Variants in SHISA6 observed in about 807,000 individuals in gnomAD.
SHISA6 encodes the protein shisa family member 6.
In SHISA6, 22 loss-of-function variants were observed where a neutral mutation model predicts 47.9. The ratio of observed to expected loss-of-function variants is 0.46; its 90% CI spans 0.33 to 0.66. The LOEUF is 0.66. Ranked by LOEUF, SHISA6 falls within the 30% of genes least tolerant of loss-of-function variation. The pLI is 0.02. For synonymous variants in SHISA6, 388 were observed against 337.8 expected, an observed-to-expected ratio of 1.15 and a Z score of -1.63; for missense variants, 680 against 764.6, an observed-to-expected ratio of 0.89 and a Z score of 1.30.
intron 2 of SHISA6, among the ~76,000 whole-genome samples, chr17:11,374,538 A>G (rs1004875332): frequency 2.0e-5 from 3 of 151,778 alleles, no homozygotes; most frequent in Non-Finnish European, 2.9e-5. Flanking sequence ...ATTTGCATGT[A>G]TGTTTATGTT....
chr17:11,403,391 T>G (rs1913844191), intron 3 of SHISA6, among the ~76,000 whole-genome samples: 1 of 152,234 alleles, frequency 6.6e-6, no homozygotes, highest in South Asian at 2.1e-4. Flanking sequence ...TCTGATTGCT[T>G]TGTTGATGTA....
At chr17:11,555,482 G>C (rs1365372365) in intron 4 of SHISA6, among the ~76,000 whole-genome samples, 2 of 151,744 alleles carry the variant, frequency 1.3e-5, no homozygotes, top group Non-Finnish European at 2.9e-5. Flanking sequence ...GAGAGAATTC[G>C]CTCCTCAGAC....
chr17:11,415,997 T>G (rs1350267975), intron 3 of SHISA6, among the ~76,000 whole-genome samples: 1 of 152,184 alleles, frequency 6.6e-6, no homozygotes. Flanking sequence ...CTTCGTCTCC[T>G]TATATCCTCA....
intron 5 of SHISA6, among the ~76,000 whole-genome samples, chr17:11,556,094 A>G (rs2071976845): frequency 6.6e-6 from 1 of 152,220 alleles, no homozygotes; most frequent in Non-Finnish European, 1.5e-5. Flanking sequence ...ATACATAGAA[A>G]GAAGACCATG....
chr17:11,263,176 C>A (rs1276520772), intron 1 of SHISA6, among the ~76,000 whole-genome samples, 190 bp from the exon 2 acceptor site: 1 of 152,170 alleles, frequency 6.6e-6, no homozygotes, highest in East Asian at 1.9e-4. Flanking sequence ...TACCTCCAGG[C>A]ATGGTAACCT....
chr17:11,334,799 T>C (rs1036349582), intron 2 of SHISA6, among the ~76,000 whole-genome samples: 2 of 152,172 alleles, frequency 1.3e-5, no homozygotes, highest in African/African-American at 4.8e-5. Flanking sequence ...GCCTGTAGGA[T>C]CTTTAAACTG....
intron 3 of SHISA6, among the ~76,000 whole-genome samples, chr17:11,453,328 C>T (rs2969241): frequency 0.57 from 86,806 of 151,960 alleles, 26,635 homozygotes; most frequent in African/African-American, 0.81. Flanking sequence ...ACAGCAGCTT[C>T]GGGAAACCTG....
intron 2 of SHISA6, chr17:11,288,563 A>C (rs1469875038): frequency 2.0e-5 from 3 of 152,170 alleles, no homozygotes; most frequent in Non-Finnish European, 4.4e-5. Flanking sequence ...CTGTTTAAAA[A>C]CAAAACTAAA....
chr17:11,354,991 A>T (rs534637595), intron 2 of SHISA6, among the ~76,000 whole-genome samples: 4 of 152,302 alleles, frequency 2.6e-5, no homozygotes, highest in African/African-American at 9.6e-5. Context: ...CTCTACTCCA[A>T]CACCTTAAAT....
intron 2 of SHISA6, among the ~76,000 whole-genome samples, chr17:11,309,257 G>A (rs112946995): frequency 1.3e-5 from 2 of 152,180 alleles, no homozygotes; most frequent in African/African-American, 2.4e-5. Flanking sequence ...AAGCCAACAC[G>A]CCCCACTCCA....
At position 11,422,881 on chromosome 17, in the gene SHISA6, G is replaced by T. The variant is rs375437977; in HGVS notation, c.895+43372G>T. Among the ~76,000 whole-genome samples, 7 of 152,094 alleles carry T rather than the reference G, an allele frequency of 4.6e-5. 1 individual carries two copies. The highest frequency in any genetic ancestry group is 3.9e-4 in the East Asian group (2 of 5,170). ...GGAATCCAGGAAGGAGCATGAGCTG[G>T]GTTAGATACACCAAGATAGCTTGAA... is the stretch of plus-strand genomic sequence containing the variant. On this transcript the variant is annotated intron_variant, in intron 3 of 5. Transcript: ENST00000441885.
chr17:11,489,446 T>G (rs1399081561), intron 3 of SHISA6, among the ~76,000 whole-genome samples: 1 of 152,220 alleles, frequency 6.6e-6, no homozygotes, highest in East Asian at 1.9e-4. Flanking sequence ...GTAATTATAT[T>G]AGAGTGCTGA....
intron 3 of SHISA6, among the ~76,000 whole-genome samples, chr17:11,395,954 C>T (rs1293988916): frequency 1.3e-5 from 2 of 152,160 alleles, no homozygotes; most frequent in Non-Finnish European, 2.9e-5. Flanking sequence ...CCCTCCAGAG[C>T]GTTTCCATTA....
At chr17:11,320,669 A>AGAGAGAG (rs1555528248) in intron 2 of SHISA6, among the ~76,000 whole-genome samples, 3 of 48,938 alleles carry the variant, frequency 6.1e-5, no homozygotes, top group Admixed American at 3.9e-4. Context: ...CAAAAAAAAA[A>AGAGAGAG]AGAGAGAGAG....
chr17:11,558,691 C>G lies in SHISA6; in HGVS notation c.*387C>G. On this transcript the variant is annotated 3_prime_UTR_variant, in exon 6 of 6. Coordinates refer to ENST00000441885, the MANE Select transcript of SHISA6 (RefSeq NM_207386.4). Reference sequence around the variant, plus strand: ...ACCCTTGCTTGACTGTGGTCTGAAGCTGCCTGGGTTTGAAGGGGCCAGCGG... The same window carrying G: ...ACCCTTGCTTGACTGTGGTCTGAAGGTGCCTGGGTTTGAAGGGGCCAGCGG... 3.7e-6 allele frequency: 1 copy of G among 270,652 alleles called. No homozygotes were observed. The allele number at this position is 270,652 out of a possible 1,614,324, so 16.8% of individuals were successfully genotyped here.
At chr17:11,396,348 CTG>C (rs1280534928) in intron 3 of SHISA6, among the ~76,000 whole-genome samples, 4 of 152,128 alleles carry the variant, frequency 2.6e-5, no homozygotes, top group Non-Finnish European at 5.9e-5. Flanking sequence ...CTTTCTCATA[CTG>C]TCTTTATCCT....
chr17:11,483,143 A>C (rs2142332086), intron 3 of SHISA6, among the ~76,000 whole-genome samples: 1 of 152,168 alleles, frequency 6.6e-6, no homozygotes, highest in Admixed American at 6.5e-5. Flanking sequence ...CTCTACTAAT[A>C]ATACAAAATT....
intron 2 of SHISA6, among the ~76,000 whole-genome samples, chr17:11,271,059 C>T (rs1267278983): frequency 1.3e-5 from 2 of 152,006 alleles, no homozygotes; most frequent in Non-Finnish European, 2.9e-5. Context: ...CAGGTGTAGA[C>T]AACTGTTCTT....
At chr17:11,424,291 CA>C (rs1914542347) in intron 3 of SHISA6, among the ~76,000 whole-genome samples, 1 of 152,150 alleles carries the variant, frequency 6.6e-6, no homozygotes, top group African/African-American at 2.4e-5. Context: ...GACTTCTCAA[CA>C]TACACGATAG....
Sources: allele counts gnomAD v4.1 joint callset (sites outside exome capture counted in the v4.1 genomes callset), GRCh38; gene constraint gnomAD v4.1.1; transcripts MANE v1.5; gene names NCBI Gene and HGNC (gene_info 2026-07-23, HGNC 2026-07-21).